KALRN: variants seen among roughly 807,000 people sequenced by gnomAD.
KALRN encodes kalirin.
KALRN carries 70 observed loss-of-function variants against 353.7 expected under a neutral mutation model. The observed-to-expected ratio is 0.20, with a 90% CI of 0.16 to 0.24. KALRN has a LOEUF of 0.24. Among genes scored for constraint, KALRN ranks in the 10% least tolerant of loss-of-function variants. The pLI is 1.00. For missense variants in KALRN, 2,791 were observed against 3,756.7 expected, an observed-to-expected ratio of 0.74 and a Z score of 6.72; for synonymous variants, 1,391 against 1,434.8, an observed-to-expected ratio of 0.97 and a Z score of 0.69.
chr3:124,636,793 G>T (rs902214233), intron 36 of KALRN, among the ~76,000 whole-genome samples: 9 of 152,182 alleles, frequency 5.9e-5, no homozygotes, highest in African/African-American at 2.2e-4. Context: ...CTCAAGGCTG[G>T]GTTTGTTGAA....
chr3:124,529,502 A>G (rs1255065393), intron 33 of KALRN, among the ~76,000 whole-genome samples: 1 of 152,080 alleles, frequency 6.6e-6, no homozygotes, highest in Non-Finnish European at 1.5e-5. Flanking sequence ...GGGTCGTTTA[A>G]CAGGTAGGGC....
intron 1 of KALRN, among the ~76,000 whole-genome samples, chr3:124,181,601 C>T (rs77909791): frequency 0.021 from 3,222 of 152,202 alleles, 133 homozygotes; most frequent in African/African-American, 0.073. Context: ...CAATCTTGCA[C>T]TTATCTGCCA....
intron 13 of KALRN, among the ~76,000 whole-genome samples, chr3:124,401,725 C>A: frequency 6.6e-6 from 1 of 152,080 alleles, no homozygotes; most frequent in Non-Finnish European, 1.5e-5. Context: ...GTCTTATTCC[C>A]TTGTCTTGTG....
chr3:124,374,502 A>G, intron 10 of KALRN: 1 of 152,368 alleles, frequency 6.6e-6, no homozygotes, highest in Non-Finnish European at 1.5e-5. Context: ...AAAGGACTTG[A>G]AAGAGCACTA....
At chr3:124,475,075 T>C (rs535786383) in intron 26 of KALRN, among the ~76,000 whole-genome samples, 1 of 152,142 alleles carries the variant, frequency 6.6e-6, no homozygotes, top group Admixed American at 6.5e-5. Context: ...TTAAAAAAAA[T>C]TTTTTATCTT....
At chr3:124,628,558 T>C (rs1407901176) in intron 34 of KALRN, among the ~76,000 whole-genome samples, 1 of 62,014 alleles carries the variant, frequency 1.6e-5, no homozygotes, top group African/African-American at 4.2e-5. Flanking sequence ...TTTCTTTCTT[T>C]TCTTTTCTTT....
intron 7 of KALRN, among the ~76,000 whole-genome samples, chr3:124,329,347 TC>T (rs1456577644): frequency 3.3e-5 from 5 of 152,174 alleles, no homozygotes; most frequent in Non-Finnish European, 5.9e-5. Flanking sequence ...GCAGTTTCCG[TC>T]CCATATGGGA....
intron 37 of KALRN, among the ~76,000 whole-genome samples, chr3:124,646,231 C>T (rs1447628900): frequency 6.6e-6 from 1 of 151,954 alleles, no homozygotes; most frequent in Non-Finnish European, 1.5e-5. Context: ...CTCCTGTACA[C>T]CAGGCTTTGG....
chr3:124,040,922 A>G (rs1377066323), intron 1 of KALRN, among the ~76,000 whole-genome samples: 3 of 152,248 alleles, frequency 2.0e-5, no homozygotes, highest in Non-Finnish European at 4.4e-5. Context: ...GAGAGGCAAC[A>G]TGATGCAGTG....
Position 124,471,631 on chromosome 3 carries a change from G to A in KALRN, c.4032-3032G>A, listed in dbSNP as rs573332573. Among the ~76,000 whole-genome samples, 3 of 152,140 alleles carry A rather than the reference G, an allele frequency of 2.0e-5. No homozygotes were observed. The East Asian group carries it at 5.8e-4, about 29-fold the overall frequency. ...ATGCTGATTCTTTAACTTGTGCTCA[G>A]TTGTGGGAGGGGAAGAAAGTCAGAC... is the stretch of plus-strand genomic sequence containing the variant. On this transcript the variant is annotated intron_variant, in intron 25 of 59. Transcript: ENST00000682506.
chr3:124,435,089 T>C (rs922353246), intron 17 of KALRN, among the ~76,000 whole-genome samples: 1 of 152,208 alleles, frequency 6.6e-6, no homozygotes, highest in Non-Finnish European at 1.5e-5. Context: ...TCTTTGCTTG[T>C]GTCATATTCT....
intron 4 of KALRN, among the ~76,000 whole-genome samples, chr3:124,267,280 GA>G (rs2073671349): frequency 6.6e-6 from 1 of 152,186 alleles, no homozygotes; most frequent in African/African-American, 2.4e-5. Flanking sequence ...AAGTACTTTG[GA>G]ATAGGGTTTC....
At chr3:124,075,540 G>C (rs2060218509) in intron 1 of KALRN, among the ~76,000 whole-genome samples, 2 of 152,022 alleles carry the variant, frequency 1.3e-5, no homozygotes, top group South Asian at 4.2e-4. Context: ...TAGTTTCCTG[G>C]TTGTTGTTCC....
Position 124,719,332 on chromosome 3 carries a change from T to C in KALRN, c.8823T>C (p.His2941=). Residue 2941 remains histidine, a synonymous_variant, in exon 60 of 60, where the codon CAT becomes CAC. Coordinates refer to ENST00000682506, the MANE Select transcript of KALRN (RefSeq NM_001388419.1). This position sits in a 1 kb window ranked among gnomAD's most constrained non-coding sequence, Gnocchi z 5.3. ...TCLQHPWLQP[H]NGSYSKIPLD... is the part of the protein sequence containing the mutation. Reference sequence around the variant, plus strand: ...TGCAGCATCCATGGCTGCAGCCCCATAATGGCAGCTACTCTAAGATCCCCC... The same window carrying C: ...TGCAGCATCCATGGCTGCAGCCCCACAATGGCAGCTACTCTAAGATCCCCC... 3 of 1,614,216 alleles carry C rather than the reference T, an allele frequency of 1.9e-6. No individual in the cohort carries two copies. The highest frequency in any genetic ancestry group is 2.5e-6 in the Non-Finnish European group (3 of 1,180,038).
In KALRN at chr3:124,722,965, A is replaced by G. The variant is rs1685115137; in HGVS notation, c.*3495A>G. The G allele has an allele frequency of 6.6e-6, 1 of 152,240 alleles. No individual in the cohort carries two copies. Among genetic ancestry groups the G allele is most frequent in the South Asian group, 2.1e-4 (1 of 4,834 alleles). 9.4% of individuals were successfully genotyped at this position (152,240 alleles called of 1,614,324 possible). ...ATAACTTTTAAGAAGTATTAATATA[A>G]TGATTTCCTACATCTTTTACATTTG... On this transcript the variant is annotated 3_prime_UTR_variant, in exon 60 of 60. Coordinates refer to ENST00000682506, the MANE Select transcript of KALRN (RefSeq NM_001388419.1).
chr3:124,650,829 C>G lies in KALRN; in HGVS notation c.5686C>G (p.Arg1896Gly). ...NKLSLEGSSY[R>G]GSLKDPAGCL... is the part of the protein sequence containing the mutation. ...TCAGAGTCTAGAAGGAAGCTCATAC[C>G]GGGGGAGCTTGAAAGACCCTGCAGG... The change falls in exon 38 of 60, where the codon CGG (arginine) becomes GGG (glycine). Residue 1896 changes from arginine to glycine, a missense_variant. Transcript: ENST00000682506. 1.9e-6 allele frequency: 3 copies of G among 1,613,550 alleles called. No individual in the cohort carries two copies. The highest frequency in any genetic ancestry group is 2.5e-6 in the Non-Finnish European group (3 of 1,179,506).
chr3:124,185,435 C>T (rs2074100379), intron 1 of KALRN, among the ~76,000 whole-genome samples: 1 of 152,188 alleles, frequency 6.6e-6, no homozygotes, highest in South Asian at 2.1e-4. Flanking sequence ...AGAAAAGGGA[C>T]CACCTTGGGC....
intron 3 of KALRN, among the ~76,000 whole-genome samples, chr3:124,262,912 C>A (rs2148872916): frequency 6.6e-6 from 1 of 152,140 alleles, no homozygotes; most frequent in East Asian, 1.9e-4. Flanking sequence ...GTGAAAGACC[C>A]TAAGGAAATA....
chr3:124,451,252 A>G (rs1047508780), intron 21 of KALRN, among the ~76,000 whole-genome samples: 1 of 152,050 alleles, frequency 6.6e-6, no homozygotes, highest in Non-Finnish European at 1.5e-5. Flanking sequence ...GATAGAAAGA[A>G]AGGGAAGGAG....
Sources: gnomAD v4.1 joint callset for allele counts (sites outside exome capture counted in the v4.1 genomes callset) on GRCh38, gnomAD v4.1.1 for gene constraint, Gnocchi (gnomAD v3.1) non-coding constraint, MANE v1.5 for transcripts, NCBI Gene and HGNC (gene_info 2026-07-23, HGNC 2026-07-21) for gene names.